NALF1: variants seen among roughly 807,000 people sequenced by gnomAD.
NALF1 encodes the protein family with sequence similarity 155 member A.
In NALF1, 3 loss-of-function variants were observed where a neutral mutation model predicts 48.4. The observed-to-expected ratio is 0.06, with a 90% CI of 0.03 to 0.16. The LOEUF (loss-of-function observed/expected upper bound fraction) is 0.16, where lower values mean the gene tolerates loss of function less well. Ranked by LOEUF, NALF1 falls within the 10% of genes least tolerant of loss-of-function variation. The pLI is 1.00. For missense variants in NALF1, 526 were observed against 571.5 expected (o/e 0.92, Z 0.81); for synonymous variants, 262 against 245.7 (o/e 1.07, Z -0.62).
At chr13:107,344,477 G>T (rs1882738538) in intron 1 of NALF1, among the ~76,000 whole-genome samples, 1 of 152,248 alleles carries the variant, frequency 6.6e-6, no homozygotes, top group Admixed American at 6.5e-5. Context: ...ACATTAAAAA[G>T]ATTAGACACT....
intron 1 of NALF1, among the ~76,000 whole-genome samples, chr13:107,417,823 G>A (rs1041492551): frequency 6.6e-6 from 1 of 152,174 alleles, no homozygotes; most frequent in Non-Finnish European, 1.5e-5. Flanking sequence ...CACTTTGGGA[G>A]GCTGAGGCCA....
chr13:107,209,831 A>T (rs1879723251), intron 2 of NALF1, among the ~76,000 whole-genome samples: 2 of 152,320 alleles, frequency 1.3e-5, no homozygotes, highest in South Asian at 4.1e-4. Flanking sequence ...AAGAGAATGC[A>T]GAGCCACCAC....
At chr13:107,204,925 C>T (rs1003795486) in intron 2 of NALF1, among the ~76,000 whole-genome samples, 8 of 151,252 alleles carry the variant, frequency 5.3e-5, no homozygotes, top group South Asian at 4.2e-4. Flanking sequence ...TAAATTGAAA[C>T]GGCATAAATG....
chr13:107,543,828 C>A (rs994703600), intron 1 of NALF1, among the ~76,000 whole-genome samples: 13 of 151,636 alleles, frequency 8.6e-5, no homozygotes, highest in Non-Finnish European at 1.6e-4. Flanking sequence ...CACATATGTA[C>A]CCAACTCTAA....
chr13:107,762,471 G>T (rs925369589), intron 1 of NALF1, among the ~76,000 whole-genome samples: 1 of 152,058 alleles, frequency 6.6e-6, no homozygotes, highest in Non-Finnish European at 1.5e-5. Flanking sequence ...AATCACACAA[G>T]GGGTCATGGG....
In NALF1 at chr13:107,216,269, T is replaced by C. The variant is rs1684480663; in HGVS notation, c.916-5514A>G. Among the ~76,000 whole-genome samples, 3 of 152,248 alleles carry C rather than the reference T, an allele frequency of 2.0e-5. No individual in the cohort carries two copies. The South Asian group carries it at 6.2e-4, about 31-fold the overall frequency. Reference sequence around the variant, plus strand: ...CTAATGCACTTTGACGCATAACGCATGTTGCTACAGTTTTAAGTGAGGGTG... The same window carrying C: ...CTAATGCACTTTGACGCATAACGCACGTTGCTACAGTTTTAAGTGAGGGTG... On this transcript the variant is annotated intron_variant, in intron 1 of 2. Coordinates refer to ENST00000375915, the MANE Select transcript of NALF1 (RefSeq NM_001080396.3).
intron 1 of NALF1, among the ~76,000 whole-genome samples, chr13:107,269,884 C>T (rs1338569257): frequency 6.9e-6 from 1 of 144,850 alleles, no homozygotes; most frequent in East Asian, 2.0e-4. Context: ...GTAGCTGGGA[C>T]TACAGGTGCC....
chr13:107,647,965 G>C (rs1221585825), intron 1 of NALF1, among the ~76,000 whole-genome samples: 1 of 152,048 alleles, frequency 6.6e-6, no homozygotes. Context: ...TTATAGAAAA[G>C]AGTAATTTGT....
chr13:107,173,259 C>T (rs1878842799), intron 2 of NALF1, among the ~76,000 whole-genome samples: 1 of 152,060 alleles, frequency 6.6e-6, no homozygotes, highest in South Asian at 2.1e-4. Context: ...CATTTATTCT[C>T]CTCCTCCCTC....
At chr13:107,664,731 T>C (rs1007976289) in intron 1 of NALF1, among the ~76,000 whole-genome samples, 1 of 152,194 alleles carries the variant, frequency 6.6e-6, no homozygotes, top group Non-Finnish European at 1.5e-5. Context: ...ACATAGCTTG[T>C]TTTTCTTTTT....
At chr13:107,642,702 C>A (rs1311173125) in intron 1 of NALF1, among the ~76,000 whole-genome samples, 1 of 152,048 alleles carries the variant, frequency 6.6e-6, no homozygotes, top group African/African-American at 2.4e-5. Context: ...TCACAAAGAC[C>A]CACGTTAGAT....
intron 1 of NALF1, among the ~76,000 whole-genome samples, chr13:107,713,194 A>G (rs1264437315): frequency 6.6e-6 from 1 of 152,176 alleles, no homozygotes; most frequent in Non-Finnish European, 1.5e-5. Context: ...ATGTTCTTCT[A>G]AGCCCCCTCT....
chr13:107,306,310 C>T (rs577269405), intron 1 of NALF1, among the ~76,000 whole-genome samples: 1 of 152,236 alleles, frequency 6.6e-6, no homozygotes, highest in East Asian at 1.9e-4. Flanking sequence ...GATGTTCCTG[C>T]CTCCCATCTG....
At chr13:107,640,726 G>T (rs1295569027) in intron 1 of NALF1, among the ~76,000 whole-genome samples, 3 of 152,196 alleles carry the variant, frequency 2.0e-5, no homozygotes, top group Middle Eastern at 3.4e-3. Context: ...AATAATCCAA[G>T]AAATATATTT....
intron 1 of NALF1, among the ~76,000 whole-genome samples, chr13:107,280,597 T>G (rs1594102201): frequency 6.6e-6 from 1 of 152,334 alleles, no homozygotes; most frequent in East Asian, 1.9e-4. Flanking sequence ...AATGCCTTTA[T>G]GTTTAATGGC....
At chr13:107,425,146 T>G (rs1483610391) in intron 1 of NALF1, among the ~76,000 whole-genome samples, 1 of 152,224 alleles carries the variant, frequency 6.6e-6, no homozygotes, top group African/African-American at 2.4e-5. Context: ...AAGCTGCTAT[T>G]AAATTTTGAG....
At chr13:107,474,277 T>A (rs1407668484) in intron 1 of NALF1, among the ~76,000 whole-genome samples, 8 of 152,178 alleles carry the variant, frequency 5.3e-5, no homozygotes, top group Admixed American at 6.5e-5. Context: ...AGCCAAATAC[T>A]AAACAAAATA....
At chr13:107,813,940 T>C (rs1010003487) in intron 1 of NALF1, among the ~76,000 whole-genome samples, 1 of 152,126 alleles carries the variant, frequency 6.6e-6, no homozygotes, top group African/African-American at 2.4e-5. Context: ...TATAAACATA[T>C]AATCAATGTA....
intron 1 of NALF1, among the ~76,000 whole-genome samples, chr13:107,613,010 A>AG (rs1555312515): frequency 1.2e-4 from 18 of 146,412 alleles, no homozygotes; most frequent in African/African-American, 3.9e-4. Flanking sequence ...GAGAAAAAAA[A>AG]AAAAGAAAAG....
Sources: allele counts gnomAD v4.1 joint callset (sites outside exome capture counted in the v4.1 genomes callset), GRCh38; gene constraint gnomAD v4.1.1; transcripts MANE v1.5; gene names NCBI Gene and HGNC (gene_info 2026-07-23, HGNC 2026-07-21).